The following PRKN variants were observed in gnomAD, a reference collection of about 807,000 sequenced individuals.
PRKN encodes E3 ubiquitin-protein ligase parkin.
A neutral mutation model predicts 59.5 loss-of-function variants in PRKN; 56 were observed. That is an observed-to-expected ratio of 0.94 (90% CI 0.76 to 1.18). The LOEUF (loss-of-function observed/expected upper bound fraction) is 1.18, where lower values mean the gene tolerates loss of function less well. Among genes scored for constraint, PRKN ranks in the 50% most tolerant of loss-of-function variants. PRKN has a pLI of 0.00. For synonymous variants in PRKN, 250 were observed against 222.1 expected (o/e 1.13, Z -1.12); for missense variants, 657 against 596.4 (o/e 1.10, Z -1.06).
intron 2 of PRKN, among the ~76,000 whole-genome samples, chr6:162,374,982 A>G (rs2128138390): frequency 6.6e-6 from 1 of 152,286 alleles, no homozygotes; most frequent in Middle Eastern, 3.4e-3. Context: ...AGTGTTCATA[A>G]CAAAACAGAT....
At chr6:161,974,134 G>A (rs1780934752) in intron 5 of PRKN, among the ~76,000 whole-genome samples, 1 of 152,174 alleles carries the variant, frequency 6.6e-6, no homozygotes, top group South Asian at 2.1e-4. Context: ...GGGCATGACG[G>A]CACATGACTG....
chr6:162,122,494 T>C (rs1004866100), intron 4 of PRKN, among the ~76,000 whole-genome samples: 2 of 152,206 alleles, frequency 1.3e-5, no homozygotes, highest in Admixed American at 6.5e-5. Context: ...CACAGGTTTA[T>C]AGAATATCCT....
intron 7 of PRKN, among the ~76,000 whole-genome samples, chr6:161,612,686 A>C (rs1390038464): frequency 1.5e-5 from 2 of 135,908 alleles, no homozygotes; most frequent in Non-Finnish European, 3.0e-5. Flanking sequence ...ATGCCGCTGC[A>C]CTCCAGCCTG....
rs917572130 is a variant in PRKN, at chr6:161,593,081, T to G, written c.872-23665A>C. Among the ~76,000 whole-genome samples the G allele has an allele frequency of 2.6e-5, 4 of 152,204 alleles. No individual in the cohort carries two copies. The highest frequency in any genetic ancestry group is 9.6e-5 in the African/African-American group (4 of 41,452). On this transcript the variant is annotated intron_variant, in intron 7 of 11. Coordinates refer to ENST00000366898, the MANE Select transcript of PRKN (RefSeq NM_004562.3). The surrounding 1 kb of genome is among the most constrained non-coding windows in gnomAD (Gnocchi z 4.8). The stretch of plus-strand genomic sequence containing the variant: ...GCGCTGCACCCCACGTCCGCTGCTG[T>G]TAACATCCTACATAACCAGGCCATC...
At chr6:162,333,193 T>C (rs1188220186) in intron 2 of PRKN, among the ~76,000 whole-genome samples, 1 of 151,260 alleles carries the variant, frequency 6.6e-6, no homozygotes, top group African/African-American at 2.4e-5. Context: ...TCTCTTTTTA[T>C]AAAAAATAAA....
At chr6:161,908,082 T>TAACAACAACGACAAC (rs1325633004) in intron 6 of PRKN, among the ~76,000 whole-genome samples, 1 of 148,762 alleles carries the variant, frequency 6.7e-6, no homozygotes, top group Non-Finnish European at 1.5e-5. Context: ...CATCTCAAAC[T>TAACAACAACGACAAC]AACAACAACG....
intron 7 of PRKN, among the ~76,000 whole-genome samples, chr6:161,624,302 C>T (rs762128517): frequency 1.3e-5 from 2 of 152,164 alleles, no homozygotes; most frequent in Non-Finnish European, 2.9e-5. Flanking sequence ...TGAAACGAGT[C>T]TTAAAACTTT....
intron 1 of PRKN, among the ~76,000 whole-genome samples, chr6:162,620,746 G>T (rs560366398): frequency 7.2e-6 from 1 of 139,250 alleles, no homozygotes; most frequent in Non-Finnish European, 1.6e-5. Flanking sequence ...TAAAGATGGG[G>T]TCTTTCTATG....
chr6:161,701,341 G>T (rs1786242499), intron 7 of PRKN, among the ~76,000 whole-genome samples: 1 of 152,132 alleles, frequency 6.6e-6, no homozygotes, highest in Non-Finnish European at 1.5e-5. Context: ...AAATGTGAGT[G>T]ATTAGAATGT....
chr6:162,568,508 C>T (rs1440244613), intron 1 of PRKN: 17 of 697,674 alleles, frequency 2.4e-5, no homozygotes, highest in Non-Finnish European at 4.4e-5. Context: ...CCGTTGTGGT[C>T]AACCAGAGAC....
At chr6:162,093,692 A>G (rs575904386) in intron 4 of PRKN, among the ~76,000 whole-genome samples, 1 of 152,276 alleles carries the variant, frequency 6.6e-6, no homozygotes, top group African/African-American at 2.4e-5. Context: ...ACATCTGAAG[A>G]ACACACACAT....
chr6:162,176,926 T>C (rs78513344), intron 4 of PRKN, among the ~76,000 whole-genome samples: 2,825 of 47,840 alleles, frequency 0.059, 54 homozygotes, highest in South Asian at 0.099. Flanking sequence ...CACAATGAAA[T>C]TCCTTTTTTT....
At chr6:162,251,114 T>C (rs1241154170) in intron 3 of PRKN, among the ~76,000 whole-genome samples, 1 of 152,136 alleles carries the variant, frequency 6.6e-6, no homozygotes, top group African/African-American at 2.4e-5. Context: ...ATATGATTTG[T>C]CCCAGGCCTA....
intron 6 of PRKN, among the ~76,000 whole-genome samples, chr6:161,904,626 T>C (rs1409215981): frequency 6.6e-6 from 1 of 152,078 alleles, no homozygotes; most frequent in Non-Finnish European, 1.5e-5. Context: ...CAAATTTGTT[T>C]TTAAAAACAC....
At position 161,588,099 on chromosome 6, in the gene PRKN, T is replaced by C. The variant is rs1562543766; in HGVS notation, c.872-18683A>G. On this transcript the variant is annotated intron_variant, in intron 7 of 11. Coordinates refer to ENST00000366898, the MANE Select transcript of PRKN (RefSeq NM_004562.3). This position sits in a 1 kb window ranked among gnomAD's most constrained non-coding sequence, Gnocchi z 5.0. ...TTATTAGGATTAAAAATTTACTCTA[T>C]GGGGGGCTGGGCGCGGTGGCTCATG... is the stretch of plus-strand genomic sequence containing the variant. Among the ~76,000 whole-genome samples, 1 of 152,154 alleles carries C rather than the reference T, an allele frequency of 6.6e-6. No homozygotes were observed. The highest frequency in any genetic ancestry group is 1.5e-5 in the Non-Finnish European group (1 of 68,020).
intron 2 of PRKN, among the ~76,000 whole-genome samples, chr6:162,347,079 A>G (rs1443578292): frequency 2.0e-5 from 3 of 151,166 alleles, no homozygotes; most frequent in Non-Finnish European, 4.4e-5. Context: ...TTTGCTTTTT[A>G]AAGAGCAAAC....
At chr6:162,190,055 C>T (rs1300293866) in intron 4 of PRKN, among the ~76,000 whole-genome samples, 2 of 151,980 alleles carry the variant, frequency 1.3e-5, no homozygotes, top group Non-Finnish European at 2.9e-5. Flanking sequence ...TTGAAACTAG[C>T]CGTGGGAGAA....
At position 161,415,071 on chromosome 6, in the gene PRKN, C is replaced by T. The variant is rs1051424233; in HGVS notation, c.1084-28194G>A. Among the ~76,000 whole-genome samples, 10 of 152,276 alleles carry T rather than the reference C, an allele frequency of 6.6e-5. No individual in the cohort carries two copies. The East Asian group carries it at 1.2e-3, about 18-fold the overall frequency. ...TCCACAGGACTCCAGAGCTCTGTGG[C>T]CTGACTGCAGGGCAGTCTGCTCCCA... On this transcript the variant is annotated intron_variant, in intron 9 of 11. Transcript: ENST00000366898.
At chr6:162,435,972 C>T (rs1274881993) in intron 2 of PRKN, among the ~76,000 whole-genome samples, 1 of 151,760 alleles carries the variant, frequency 6.6e-6, no homozygotes, top group Non-Finnish European at 1.5e-5. Flanking sequence ...TTGATACTAG[C>T]CTCTTTCTGT....
Sources: gnomAD v4.1 joint callset for allele counts (sites outside exome capture counted in the v4.1 genomes callset) on GRCh38, gnomAD v4.1.1 for gene constraint, Gnocchi (gnomAD v3.1) non-coding constraint, MANE v1.5 for transcripts, NCBI Gene and HGNC (gene_info 2026-07-23, HGNC 2026-07-21) for gene names.